TDRD9: variants seen among roughly 807,000 people sequenced by gnomAD.
TDRD9 encodes ATP-dependent RNA helicase TDRD9.
TDRD9 carries 124 observed loss-of-function variants against 172.6 expected under a neutral mutation model. The observed-to-expected ratio is 0.72, with a 90% CI of 0.62 to 0.83. The LOEUF is 0.83. Among genes scored for constraint, TDRD9 ranks in the 40% least tolerant of loss-of-function variants. TDRD9 has a pLI of 0.00. For missense variants in TDRD9, 1,479 were observed against 1,714.1 expected (o/e 0.86, Z 2.42); for synonymous variants, 619 against 617.1 (o/e 1.00, Z -0.05).
chr14:104,011,900 A>T (rs1033699597), intron 20 of TDRD9, among the ~76,000 whole-genome samples: 2 of 152,196 alleles, frequency 1.3e-5, no homozygotes, highest in African/African-American at 4.8e-5. Flanking sequence ...ATATGGATTA[A>T]AATCAGCAAA....
intron 34 of TDRD9, among the ~76,000 whole-genome samples, chr14:104,045,873 G>A (rs2035758976): frequency 6.6e-6 from 1 of 152,236 alleles, no homozygotes; most frequent in Non-Finnish European, 1.5e-5. Context: ...CCCAGCTCCA[G>A]AACTGTGAGA....
rs1041108370 is a variant in TDRD9, at chr14:103,997,662, C to G, written c.1379-962C>G. Among the ~76,000 whole-genome samples, 3 of 152,180 alleles carry G rather than the reference C, an allele frequency of 2.0e-5. No individual in the cohort carries two copies. Among genetic ancestry groups the G allele is most frequent in the South Asian group, 2.1e-4 (1 of 4,828 alleles). ...TGGGAGTGCACAGAGGGAGGGTGGCCCCGGTGTGTAAAGGTGGGCAGTAAG... is the reference window on the plus strand; with the variant it reads ...TGGGAGTGCACAGAGGGAGGGTGGCGCCGGTGTGTAAAGGTGGGCAGTAAG... On this transcript the variant is annotated intron_variant, in intron 12 of 35. Coordinates refer to ENST00000409874, the MANE Select transcript of TDRD9 (RefSeq NM_153046.3). The surrounding 1 kb of genome is among the most constrained non-coding windows in gnomAD (Gnocchi z 5.1).
At chr14:103,931,347 A>T (rs2030379462) in intron 1 of TDRD9, among the ~76,000 whole-genome samples, 1 of 152,076 alleles carries the variant, frequency 6.6e-6, no homozygotes, top group Non-Finnish European at 1.5e-5. Context: ...TGTGAAATTG[A>T]TGTAAACATT....
chr14:103,950,703 T>C (rs1241459322), intron 1 of TDRD9, among the ~76,000 whole-genome samples: 1 of 152,192 alleles, frequency 6.6e-6, no homozygotes, highest in African/African-American at 2.4e-5. Context: ...ATCTATTTGC[T>C]CATCAAACGC....
chr14:103,998,103 C>T (rs2034118738), intron 12 of TDRD9, among the ~76,000 whole-genome samples: 1 of 151,932 alleles, frequency 6.6e-6, no homozygotes, highest in Admixed American at 6.6e-5. Flanking sequence ...GATGAGGATA[C>T]TAAAGCGCAG....
At chr14:104,041,925 G>A in intron 33 of TDRD9, 144 bp from the exon 34 acceptor site, 1 of 547,616 alleles carries the variant, frequency 1.8e-6, no homozygotes, top group Non-Finnish European at 3.3e-6. Context: ...AAAACTGGGA[G>A]CAGTCAAGAT....
chr14:103,961,632 T>G (rs1216202453), intron 2 of TDRD9, among the ~76,000 whole-genome samples: 1 of 150,040 alleles, frequency 6.7e-6, no homozygotes, highest in East Asian at 1.9e-4. Flanking sequence ...TTTCCTGAGT[T>G]AGGGGTCACT....
intron 28 of TDRD9, among the ~76,000 whole-genome samples, chr14:104,028,874 G>A (rs2035200700): frequency 6.6e-6 from 1 of 152,140 alleles, no homozygotes; most frequent in Non-Finnish European, 1.5e-5. Context: ...AGAGATAGGG[G>A]TTTAGTGTTA....
At chr14:103,929,010 G>A (rs943097035) in intron 1 of TDRD9, 1 of 174,740 alleles carries the variant, frequency 5.7e-6, no homozygotes, top group African/African-American at 2.4e-5. Flanking sequence ...CGGAGCGGAG[G>A]GCAGAGGTCC....
intron 1 of TDRD9, among the ~76,000 whole-genome samples, chr14:103,947,955 G>A (rs2031658440): frequency 6.6e-6 from 1 of 152,176 alleles, no homozygotes; most frequent in Non-Finnish European, 1.5e-5. Flanking sequence ...TCATGTATCT[G>A]AAAAGGGATT....
At position 103,994,581 on chromosome 14, in the gene TDRD9, G is replaced by A. The variant is rs1306759623; in HGVS notation, c.1298G>A (p.Ser433Asn). The A allele has an allele frequency of 3.7e-6, 6 of 1,613,632 alleles. No individual in the cohort carries two copies. The highest frequency in any genetic ancestry group is 8.5e-7 in the Non-Finnish European group (1 of 1,179,690). The change falls in exon 11 of 36, where the codon AGT becomes AAT. Residue 433 changes from serine (S) to asparagine (N), a missense_variant. Ser to Asn is a conservative substitution (Grantham distance 46). This residue lies in a region of TDRD9 where 1,413 missense variants were observed against 1,649.1 expected (regional missense o/e 0.86). Transcript: ENST00000409874. ...ALEEQNNVFL[S>N]PVPGYRKIIL... ...GAAGAACAGAATAATGTCTTTTTAA[G>A]TCCAGTCCCTGGGTACAGAAAGGTA...
At chr14:104,004,383 T>G in intron 14 of TDRD9, 48 bp downstream of exon 14, 1 of 1,001,458 alleles carries the variant, frequency 1.0e-6, no homozygotes, top group South Asian at 1.5e-5. Flanking sequence ...ATTTATTTAT[T>G]TATTTATTTA....
At chr14:104,039,696 G>C (rs1271418385) in intron 32 of TDRD9, among the ~76,000 whole-genome samples, 1 of 152,202 alleles carries the variant, frequency 6.6e-6, no homozygotes, top group African/African-American at 2.4e-5. Flanking sequence ...CCAGTGGTCA[G>C]AGGAGGGTGG....
chr14:103,946,724 C>A (rs2031579406), intron 1 of TDRD9, among the ~76,000 whole-genome samples: 1 of 152,136 alleles, frequency 6.6e-6, no homozygotes, highest in Non-Finnish European at 1.5e-5. Flanking sequence ...AGTTAACACA[C>A]AAAATTCAGT....
chr14:104,043,242 A>T (rs2035661508), intron 34 of TDRD9, among the ~76,000 whole-genome samples: 3 of 139,282 alleles, frequency 2.2e-5, no homozygotes, highest in South Asian at 2.3e-4. Flanking sequence ...CAAGCTGGTA[A>T]TTTTTTTTTT....
At chr14:103,962,042 T>G (rs922103959) in intron 2 of TDRD9, among the ~76,000 whole-genome samples, 2 of 152,158 alleles carry the variant, frequency 1.3e-5, no homozygotes, top group Non-Finnish European at 2.9e-5. Context: ...TCCGTGAGTT[T>G]TGATGATTTG....
intron 1 of TDRD9, among the ~76,000 whole-genome samples, chr14:103,936,038 A>T (rs1051427907): frequency 2.6e-5 from 4 of 152,110 alleles, no homozygotes; most frequent in Admixed American, 2.6e-4. Flanking sequence ...TGGCAGAGTG[A>T]TGTTACCTAT....
chr14:103,986,156 C>A, intron 7 of TDRD9, 61 bp from the exon 8 acceptor site: 3 of 1,237,132 alleles, frequency 2.4e-6, no homozygotes, highest in Admixed American at 1.9e-5. Context: ...TCCCATCCAA[C>A]GCCAGGTTTC....
chr14:104,024,427 G>A, intron 24 of TDRD9, 142 bp from the exon 25 acceptor site: 1 of 524,168 alleles, frequency 1.9e-6, no homozygotes, highest in South Asian at 2.9e-5. Flanking sequence ...AATCAAATTT[G>A]TCATCTCTGG....
Sources: gnomAD v4.1 joint callset for allele counts (sites outside exome capture counted in the v4.1 genomes callset) on GRCh38, gnomAD v4.1.1 for gene constraint, gnomAD v4.1.1 regional missense constraint, Gnocchi (gnomAD v3.1) non-coding constraint, MANE v1.5 for transcripts, NCBI Gene and HGNC (gene_info 2026-07-23, HGNC 2026-07-21) for gene names.